The following THRB variants were observed in gnomAD, a reference collection of about 807,000 sequenced individuals.
THRB encodes thyroid hormone receptor beta.
A neutral mutation model predicts 47.8 loss-of-function variants in THRB; 12 were observed. The observed-to-expected ratio is 0.25, with a 90% CI of 0.16 to 0.41. The LOEUF (loss-of-function observed/expected upper bound fraction) is 0.41, where lower values mean the gene tolerates loss of function less well. Among genes scored for constraint, THRB ranks in the 10% least tolerant of loss-of-function variants. THRB has a pLI of 1.00. For missense variants in THRB, 348 were observed against 589.2 expected (o/e 0.59, Z 4.24); for synonymous variants, 218 against 212.2 (o/e 1.03, Z -0.24).
chr3:24,378,115 C>A (rs1382222869), intron 1 of THRB, among the ~76,000 whole-genome samples: 1 of 152,094 alleles, frequency 6.6e-6, no homozygotes, highest in African/African-American at 2.4e-5. Flanking sequence ...GTGAGTGAGG[C>A]AGAAACTGAA....
chr3:24,237,517 C>G (rs550664506), intron 3 of THRB, among the ~76,000 whole-genome samples: 48 of 152,280 alleles, frequency 3.2e-4, no homozygotes, highest in Non-Finnish European at 5.3e-4. Context: ...CAGGCCAAAT[C>G]ATTGTCCTCT....
intron 5 of THRB, among the ~76,000 whole-genome samples, chr3:24,185,393 T>C (rs1014183455): frequency 6.6e-6 from 1 of 152,224 alleles, no homozygotes; most frequent in Non-Finnish European, 1.5e-5. Context: ...CCTTGGGGAA[T>C]AGAACTTCAA....
chr3:24,195,589 G>A (rs912138099), intron 4 of THRB, among the ~76,000 whole-genome samples: 5 of 152,156 alleles, frequency 3.3e-5, no homozygotes, highest in Non-Finnish European at 7.4e-5. Context: ...GTATTTCTCT[G>A]GTTCTTAAAA....
intron 8 of THRB, among the ~76,000 whole-genome samples, chr3:24,140,166 G>T (rs1361782816): frequency 6.6e-6 from 1 of 152,192 alleles, no homozygotes; most frequent in African/African-American, 2.4e-5. Context: ...GTTTCTGCAA[G>T]GAGTATATGT....
At chr3:24,183,713 T>C (rs1377462154) in intron 5 of THRB, among the ~76,000 whole-genome samples, 3 of 151,344 alleles carry the variant, frequency 2.0e-5, no homozygotes, top group Admixed American at 1.3e-4. Context: ...AAATCCTTCA[T>C]TGAAATATCT....
chr3:24,265,194 G>A (rs1191910430), intron 3 of THRB, among the ~76,000 whole-genome samples: 2 of 152,232 alleles, frequency 1.3e-5, no homozygotes, highest in Admixed American at 1.3e-4. Flanking sequence ...GGCAGTGAAA[G>A]AAAGTGAAGA....
At chr3:24,270,478 C>A (rs531052156) in intron 3 of THRB, among the ~76,000 whole-genome samples, 4 of 152,204 alleles carry the variant, frequency 2.6e-5, no homozygotes, top group Non-Finnish European at 5.9e-5. Flanking sequence ...AGTGAGCCTG[C>A]AGGCTTAGGT....
intron 1 of THRB, among the ~76,000 whole-genome samples, chr3:24,352,916 T>C (rs2063445637): frequency 6.6e-6 from 1 of 152,188 alleles, no homozygotes; most frequent in African/African-American, 2.4e-5. Flanking sequence ...GATTGCTTGA[T>C]AAATAAAGCT....
chr3:24,307,819 C>T (rs1341373395), intron 2 of THRB, among the ~76,000 whole-genome samples: 3 of 152,200 alleles, frequency 2.0e-5, no homozygotes, highest in Non-Finnish European at 2.9e-5. Flanking sequence ...TCAAAGATTT[C>T]TGCCAGGTTC....
At chr3:24,208,834 T>C (rs921545822) in intron 4 of THRB, among the ~76,000 whole-genome samples, 6 of 152,232 alleles carry the variant, frequency 3.9e-5, no homozygotes, top group South Asian at 4.1e-4. Flanking sequence ...AAAGCCAAAA[T>C]TGACAAATGG....
At chr3:24,147,509 T>C (rs557826415) in intron 6 of THRB, among the ~76,000 whole-genome samples, 1 of 152,344 alleles carries the variant, frequency 6.6e-6, no homozygotes, top group East Asian at 1.9e-4. Flanking sequence ...TTGGTATCTG[T>C]AGACATACAC....
chr3:24,455,106 CTTTTTTTTTTTTTTTT>C (rs71057676), intron 1 of THRB: 1 of 40,684 alleles, frequency 2.5e-5, no homozygotes, highest in Admixed American at 3.8e-4. Flanking sequence ...TAAGGACTTA[CTTTTTTTTTTTTTTTT>C]TTTTTTTTTT....
chr3:24,317,754 G>A (rs1311979690), intron 2 of THRB, among the ~76,000 whole-genome samples: 1 of 152,164 alleles, frequency 6.6e-6, no homozygotes, highest in African/African-American at 2.4e-5. Context: ...CACAAAAAGA[G>A]ATGGAAAGAA....
At chr3:24,378,775 A>G (rs1180995377) in intron 1 of THRB, among the ~76,000 whole-genome samples, 1 of 152,180 alleles carries the variant, frequency 6.6e-6, no homozygotes, top group African/African-American at 2.4e-5. Flanking sequence ...CTATTCTAGG[A>G]AACTAACTTT....
chr3:24,284,466 A>G (rs1324473879), intron 3 of THRB, among the ~76,000 whole-genome samples: 1 of 151,738 alleles, frequency 6.6e-6, no homozygotes, highest in Non-Finnish European at 1.5e-5. Context: ...TAGACCTAAA[A>G]CCATAAAAAC....
chr3:24,402,925 A>G (rs1019732767), intron 1 of THRB, among the ~76,000 whole-genome samples: 1 of 152,100 alleles, frequency 6.6e-6, no homozygotes, highest in Non-Finnish European at 1.5e-5. Context: ...TTGACAATAT[A>G]GATAGAACAA....
chr3:24,205,576 A>G (rs1295151798), intron 4 of THRB, among the ~76,000 whole-genome samples: 2 of 152,168 alleles, frequency 1.3e-5, no homozygotes, highest in African/African-American at 4.8e-5. Context: ...TCGATGCTAG[A>G]AAGAAACTGC....
chr3:24,367,736 A>G (rs558355752), intron 1 of THRB, among the ~76,000 whole-genome samples: 4 of 152,322 alleles, frequency 2.6e-5, no homozygotes, highest in African/African-American at 9.6e-5. Flanking sequence ...GGCACTTCTC[A>G]CAGCAATACA....
chr3:24,188,501 A>C (rs9647408), intron 5 of THRB, among the ~76,000 whole-genome samples: 59,143 of 151,902 alleles, frequency 0.39, 11,825 homozygotes, highest in African/African-American at 0.46. Context: ...GATTTATTTT[A>C]AATGATTGAT....
Sources: gnomAD v4.1 joint callset for allele counts (sites outside exome capture counted in the v4.1 genomes callset) on GRCh38, gnomAD v4.1.1 for gene constraint, MANE v1.5 for transcripts, NCBI Gene and HGNC (gene_info 2026-07-23, HGNC 2026-07-21) for gene names.